THOC6: variants seen among roughly 807,000 people sequenced by gnomAD.
THOC6 encodes THO complex subunit 6.
THOC6 carries 39 observed loss-of-function variants against 55.8 expected under a neutral mutation model. The observed-to-expected ratio is 0.70, with a 90% CI of 0.54 to 0.91. The LOEUF is 0.91. Ranked by LOEUF, THOC6 falls within the 40% of genes least tolerant of loss-of-function variation. THOC6 has a pLI of 0.00. For missense variants in THOC6, 482 were observed against 442.0 expected, an observed-to-expected ratio of 1.09 and a Z score of -0.81; for synonymous variants, 192 against 175.6, an observed-to-expected ratio of 1.09 and a Z score of -0.74.
intron 1 of THOC6, 142 bp downstream of exon 1, chr16:3,024,507 A>G (rs2072731935): frequency 3.9e-6 from 4 of 1,013,768 alleles, no homozygotes; most frequent in East Asian, 2.5e-5. Flanking sequence ...GGGGCGGGAT[A>G]GTAACCCAGA....
intron 1 of THOC6, 126 bp downstream of exon 1, chr16:3,024,491 AC>A: frequency 1.7e-6 from 2 of 1,197,272 alleles, no homozygotes; most frequent in Non-Finnish European, 2.5e-6. Context: ...TCAGACTCTG[AC>A]CAGGGGGGCG....
rs768129197 is a variant in THOC6, at chr16:3,027,055, A to C, written c.681A>C (p.Ala227=). Residue 227 remains alanine, a synonymous_variant, in exon 10 of 13, where the codon GCA becomes GCC. Coordinates refer to ENST00000326266, the MANE Select transcript of THOC6 (RefSeq NM_024339.5). ...PHNGRWIGCL[A]TDSDWMVCGG... is the part of the protein sequence containing the mutation. ...ATGGGCGCTGGATTGGATGTTTGGCAACTGATTCCGACTGGATGGTGAGCT... is the reference window on the plus strand; with the variant it reads ...ATGGGCGCTGGATTGGATGTTTGGCCACTGATTCCGACTGGATGGTGAGCT... 3 of 1,614,154 alleles carry C rather than the reference A, an allele frequency of 1.9e-6. No homozygotes were observed. Among genetic ancestry groups the C allele is most frequent in the Non-Finnish European group, 2.5e-6 (3 of 1,180,022 alleles).
rs1358941797 is a variant in THOC6 at position 3,027,391 on chromosome 16, G to A, written c.836G>A (p.Cys279Tyr). The change falls in exon 12 of 13, where the codon TGC (cysteine) becomes TAC (tyrosine). Residue 279 changes from cysteine (C) to tyrosine (Y), a missense_variant. Physicochemically the swap from Cys to Tyr is radical, Grantham distance 194. Coordinates refer to ENST00000326266, the MANE Select transcript of THOC6 (RefSeq NM_024339.5). ...ATTCTGTCAGCTGGCCAGGGCCGCT[G>A]CGTCAACCAGTGGCAGCTGAGCGGG... The part of the protein sequence containing the change: ...DLILSAGQGR[C>Y]VNQWQLSGEL... 2 of 1,612,692 alleles carry A rather than the reference G, an allele frequency of 1.2e-6. No homozygotes were observed. Among genetic ancestry groups the A allele is most frequent in the African/African-American group, 1.3e-5 (1 of 74,948 alleles).
Position 3,025,788 on chromosome 16 carries a change from G to T in THOC6, c.120G>T (p.Ala40=). 1.2e-6 allele frequency: 2 copies of T among 1,614,172 alleles called. No individual in the cohort carries two copies. Among genetic ancestry groups the T allele is most frequent in the Non-Finnish European group, 1.7e-6 (2 of 1,180,032 alleles). ...TCTCACCATGTGGGAAGTTTCTGGC[G>T]GCTGGCAACAATTACGGGCAGATTG... is the stretch of plus-strand genomic sequence containing the variant. ...QSVSPCGKFL[A]AGNNYGQIAI... is the part of the protein sequence containing the mutation. The change falls in exon 2 of 13, where the codon GCG becomes GCT. Residue 40 remains alanine, a synonymous_variant. Transcript: ENST00000326266.
At position 3,027,278 on chromosome 16, in the gene THOC6, C is replaced by G. The variant is rs577388310; in HGVS notation, c.808C>G (p.Leu270Val). Residue 270 changes from leucine (L) to valine (V), a missense_variant and splice_region_variant, in exon 11 of 13, where the codon CTG (leucine) becomes GTG (valine). Physicochemically the swap from Leu to Val is conservative, Grantham distance 32. Coordinates refer to ENST00000326266, the MANE Select transcript of THOC6 (RefSeq NM_024339.5). ...PQKHVTFYQD[L>V]ILSAGQGRCV... ...GAAGCACGTCACCTTCTACCAGGACCTGGTGAGGCCCTGTGTCTCACTTCT... is the reference window on the plus strand; with the variant it reads ...GAAGCACGTCACCTTCTACCAGGACGTGGTGAGGCCCTGTGTCTCACTTCT... 5 of 1,614,100 alleles carry G rather than the reference C, an allele frequency of 3.1e-6. No homozygotes were observed. In the African/African-American group the frequency reaches 6.7e-5, roughly 22 times the overall value.
chr16:3,024,457 T>C, intron 1 of THOC6, 92 bp downstream of exon 1: 1 of 1,520,198 alleles, frequency 6.6e-7, no homozygotes, highest in Non-Finnish European at 9.1e-7. Context: ...CTGAGCCCTG[T>C]TTTGCCTGGG....
Position 3,027,181 on chromosome 16 carries a change from G to C in THOC6, c.711G>C (p.Gly237=). 6.2e-7 allele frequency: 1 copy of C among 1,614,104 alleles called. No homozygotes were observed. The highest frequency in any genetic ancestry group is 8.5e-7 in the Non-Finnish European group (1 of 1,180,008). ...ACCTTTCTGTCCAGGTCTGTGGAGG[G>C]GGCCCAGCCCTCACCCTCTGGCACC... ...ATDSDWMVCG[G]GPALTLWHLR... is the part of the protein sequence containing the mutation. Residue 237 remains glycine (G), a synonymous_variant, in exon 11 of 13, where the codon GGG becomes GGC. Coordinates refer to ENST00000326266, the MANE Select transcript of THOC6 (RefSeq NM_024339.5).
chr16:3,025,635 G>A (rs1204976575), intron 1 of THOC6, 73 bp from the exon 2 acceptor site: 1 of 1,443,420 alleles, frequency 6.9e-7, no homozygotes, highest in Non-Finnish European at 9.7e-7. Flanking sequence ...AGGTTTTGGG[G>A]GAAGCAGGGA....
chr16:3,026,485 T>A, intron 6 of THOC6, 31 bp from the exon 7 acceptor site: 1 of 1,614,130 alleles, frequency 6.2e-7, no homozygotes, highest in Non-Finnish European at 8.5e-7. Flanking sequence ...GATTTGACAT[T>A]GACTTTCTGC....
rs899623734 is a variant in THOC6, at chr16:3,025,690, T to C, written c.40-18T>C. The C allele has an allele frequency of 3.7e-6, 6 of 1,609,654 alleles. No individual in the cohort carries two copies. The highest frequency in any genetic ancestry group is 1.7e-5 in the Admixed American group (1 of 60,010). ...TTTCATACGTCCCAGGCAGGCCTCA[T>C]CCAGTCTTTCCCTGCAGACAGAGGT... On this transcript the variant is annotated intron_variant, in intron 1 of 12. Coordinates refer to ENST00000326266, the MANE Select transcript of THOC6 (RefSeq NM_024339.5).
In THOC6 at chr16:3,024,061, G is replaced by C; in HGVS notation, c.-266G>C. 1.1e-6 allele frequency: 1 copy of C among 875,446 alleles called. No individual in the cohort carries two copies. Among genetic ancestry groups the C allele is most frequent in the Non-Finnish European group, 1.7e-6 (1 of 582,656 alleles). 54.2% of individuals were successfully genotyped at this position (875,446 alleles called of 1,614,324 possible). ...CAGCCGCGAGGTTCTGCGCGGGCGCGGAAGACGGGCGGCGCGTGGCGGAAG... is the reference window on the plus strand; with the variant it reads ...CAGCCGCGAGGTTCTGCGCGGGCGCCGAAGACGGGCGGCGCGTGGCGGAAG... On this transcript the variant is annotated 5_prime_UTR_variant, in exon 1 of 13. Transcript: ENST00000326266.
rs1201538549 is a variant in THOC6, at chr16:3,026,789, G to C, written c.586+8G>C. 1 of 1,613,844 alleles carries C rather than the reference G, an allele frequency of 6.2e-7. No individual in the cohort carries two copies. The highest frequency in any genetic ancestry group is 1.3e-5 in the African/African-American group (1 of 74,912). On this transcript the variant is annotated splice_region_variant and intron_variant, in intron 8 of 12. Transcript: ENST00000326266. ...GAGCTGTTCGACTTTGGGGTAAGCAGGTGGCTGGTTGGAGGGCAAGATGGC... is the reference window on the plus strand; with the variant it reads ...GAGCTGTTCGACTTTGGGGTAAGCACGTGGCTGGTTGGAGGGCAAGATGGC...
intron 10 of THOC6, 28 bp from the exon 11 acceptor site, chr16:3,027,142 A>G: frequency 6.2e-7 from 1 of 1,614,136 alleles, no homozygotes; most frequent in Non-Finnish European, 8.5e-7. Flanking sequence ...TGTGGTTCAC[A>G]GCTGGGGACT....
chr16:3,026,336 C>T (rs2072792674), intron 5 of THOC6, 29 bp from the exon 6 acceptor site: 1 of 1,613,964 alleles, frequency 6.2e-7, no homozygotes, highest in African/African-American at 1.3e-5. Context: ...GAAGCCACTT[C>T]CTCACTGACC....
At position 3,026,546 on chromosome 16, in the gene THOC6, T is replaced by G. The variant is rs1380563217; in HGVS notation, c.442T>G (p.Cys148Gly). The G allele has an allele frequency of 6.2e-7, 1 of 1,614,124 alleles. No individual in the cohort carries two copies. Residue 148 changes from cysteine (C) to glycine (G), a missense_variant, in exon 7 of 13, where the codon TGT becomes GGT. Transcript: ENST00000326266. ...ENSLILAGGDCQLHTMDLETG... is the reference protein window; with the variant it reads ...ENSLILAGGDGQLHTMDLETG... ...TTCCCTCATCCTGGCTGGGGGAGAC[T>G]GTCAGTTGCACACTATGGACCTTGA...
Position 3,026,414 on chromosome 16 carries a change from G to T in THOC6, c.411+1G>T. On this transcript the variant is annotated splice_donor_variant, in intron 6 of 12. Transcript: ENST00000326266. LOFTEE classifies it high-confidence loss of function. ...CAACGCTTTGCTGCTGGTCCCCAAGGTCTGAGCCCCATGTGACTGTTCTTG... is the reference window on the plus strand; with the variant it reads ...CAACGCTTTGCTGCTGGTCCCCAAGTTCTGAGCCCCATGTGACTGTTCTTG... 1 of 1,614,108 alleles carries T rather than the reference G, an allele frequency of 6.2e-7. No homozygotes were observed. The highest frequency in any genetic ancestry group is 8.5e-7 in the Non-Finnish European group (1 of 1,180,030).
chr16:3,026,483 A>AT, intron 6 of THOC6, 33 bp from the exon 7 acceptor site: 1 of 1,613,994 alleles, frequency 6.2e-7, no homozygotes, highest in East Asian at 2.2e-5. Context: ...CTGATTTGAC[A>AT]TTGACTTTCT....
At chr16:3,024,399 G>C in intron 1 of THOC6, 34 bp downstream of exon 1, 1 of 1,613,906 alleles carries the variant, frequency 6.2e-7, no homozygotes, top group Middle Eastern at 1.6e-4. Context: ...GCCTTCTGGG[G>C]TTTGTAGTTC....
At chr16:3,026,229 C>A in intron 4 of THOC6, 22 bp from the exon 5 acceptor site, 1 of 1,614,112 alleles carries the variant, frequency 6.2e-7, no homozygotes, top group Non-Finnish European at 8.5e-7. Flanking sequence ...TTTGAGGTCA[C>A]CTGGTATTTT....
Sources: allele counts gnomAD v4.1 joint callset, GRCh38; gene constraint gnomAD v4.1.1; transcripts MANE v1.5; gene names NCBI Gene and HGNC (gene_info 2026-07-23, HGNC 2026-07-21).